C8orf34: variants seen among roughly 807,000 people sequenced by gnomAD.
C8orf34 encodes chromosome 8 open reading frame 34.
C8orf34 carries 65 observed loss-of-function variants against 68.3 expected under a neutral mutation model. That is an observed-to-expected ratio of 0.95 (90% confidence interval 0.78 to 1.17). C8orf34 has a LOEUF of 1.17. C8orf34 is among the 50% of genes most tolerant of loss of function. The pLI, the probability that C8orf34 is intolerant of heterozygous loss-of-function variation, is 0.00. For synonymous variants in C8orf34, 244 were observed against 241.2 expected, an observed-to-expected ratio of 1.01 and a Z score of -0.11; for missense variants, 664 against 655.4, an observed-to-expected ratio of 1.01 and a Z score of -0.14.
At chr8:68,636,925 C>T (rs1351981030) in intron 7 of C8orf34, among the ~76,000 whole-genome samples, 2 of 152,124 alleles carry the variant, frequency 1.3e-5, no homozygotes, top group African/African-American at 4.8e-5. Context: ...AATGGCGTGA[C>T]TGACTTTGTT....
At chr8:68,707,336 T>G (rs1821194988) in intron 8 of C8orf34, among the ~76,000 whole-genome samples, 1 of 152,160 alleles carries the variant, frequency 6.6e-6, no homozygotes, top group Non-Finnish European at 1.5e-5. Flanking sequence ...CCCAATTTGT[T>G]GCGTTTTTAA....
chr8:68,795,481 C>T (rs1274742786), intron 12 of C8orf34, among the ~76,000 whole-genome samples: 1 of 152,134 alleles, frequency 6.6e-6, no homozygotes, highest in Non-Finnish European at 1.5e-5. Context: ...GTTATTGCTG[C>T]TGTTTGTTTT....
intron 3 of C8orf34, among the ~76,000 whole-genome samples, chr8:68,451,407 C>T (rs1259236578): frequency 6.6e-6 from 1 of 152,126 alleles, no homozygotes; most frequent in Non-Finnish European, 1.5e-5. Flanking sequence ...AGAGGCCTAG[C>T]TTTCAGCCTA....
chr8:68,556,685 C>T (rs934436912), intron 7 of C8orf34, among the ~76,000 whole-genome samples: 5 of 152,036 alleles, frequency 3.3e-5, no homozygotes, highest in Admixed American at 6.6e-5. Flanking sequence ...GATCCTCGGC[C>T]GATGTACTCC....
chr8:68,598,311 C>A (rs1156539943), intron 7 of C8orf34, among the ~76,000 whole-genome samples: 1 of 152,160 alleles, frequency 6.6e-6, no homozygotes, highest in African/African-American at 2.4e-5. Flanking sequence ...TCTAAAGGAA[C>A]TGTGAGATAT....
At chr8:68,665,713 G>A (rs552670739) in intron 8 of C8orf34, among the ~76,000 whole-genome samples, 156 of 152,180 alleles carry the variant, frequency 1.0e-3, no homozygotes, top group African/African-American at 3.6e-3. Flanking sequence ...TATTTATTCA[G>A]GTCCTGTTCC....
intron 1 of C8orf34, among the ~76,000 whole-genome samples, chr8:68,390,595 T>G (rs559857219): frequency 6.6e-6 from 1 of 152,282 alleles, no homozygotes; most frequent in South Asian, 2.1e-4. Flanking sequence ...CTATGGGAAT[T>G]TTATCAAGTT....
chr8:68,400,860 T>G (rs542726385), intron 1 of C8orf34, among the ~76,000 whole-genome samples: 2 of 152,354 alleles, frequency 1.3e-5, no homozygotes, highest in South Asian at 4.1e-4. Flanking sequence ...TGGCCTCCTT[T>G]TTGATTCTAT....
At chr8:68,706,640 C>G (rs1051325522) in intron 8 of C8orf34, among the ~76,000 whole-genome samples, 3 of 152,142 alleles carry the variant, frequency 2.0e-5, no homozygotes, top group Non-Finnish European at 4.4e-5. Flanking sequence ...AGTTGTCTGT[C>G]CTTGGGTTAA....
intron 5 of C8orf34, among the ~76,000 whole-genome samples, chr8:68,504,127 A>G (rs1193913934): frequency 1.3e-5 from 2 of 151,846 alleles, no homozygotes; most frequent in Admixed American, 6.6e-5. Flanking sequence ...CCACTAATCT[A>G]TTTTCTGTTT....
At chr8:68,653,068 ATTAT>A (rs1367906422) in intron 8 of C8orf34, among the ~76,000 whole-genome samples, 3 of 152,184 alleles carry the variant, frequency 2.0e-5, no homozygotes, top group Non-Finnish European at 4.4e-5. Flanking sequence ...ACAAAATACA[ATTAT>A]TTATTTGTTT....
chr8:68,402,148 C>T (rs990712248), intron 1 of C8orf34, among the ~76,000 whole-genome samples: 2 of 152,006 alleles, frequency 1.3e-5, no homozygotes, highest in Non-Finnish European at 2.9e-5. Flanking sequence ...ATGTACGTTT[C>T]CAGGAATTTA....
rs1344198654 is a variant in C8orf34, at chr8:68,543,530, TAACA to T, written c.1105+10383_1105+10386del. 3.3e-5 allele frequency among the ~76,000 whole-genome samples: 5 copies of T among 152,252 alleles called. No homozygotes were observed. The East Asian group carries it at 9.6e-4, about 29-fold the overall frequency. ...TGCTAAATGATTTCTGTATATTACT[TAACA>T]ATCACAAACATACAGTGGATCAGGC... On this transcript the variant is annotated intron_variant, in intron 7 of 13. Coordinates refer to ENST00000518698, the MANE Select transcript of C8orf34 (RefSeq NM_052958.4).
chr8:68,394,023 C>T (rs1808582705), intron 1 of C8orf34, among the ~76,000 whole-genome samples: 1 of 151,918 alleles, frequency 6.6e-6, no homozygotes. Flanking sequence ...CCTTTGGGGG[C>T]TTCGAGTGGA....
chr8:68,602,397 T>G (rs1389257366), intron 7 of C8orf34, among the ~76,000 whole-genome samples: 1 of 152,126 alleles, frequency 6.6e-6, no homozygotes, highest in Admixed American at 6.6e-5. Flanking sequence ...CTTACAATCA[T>G]GGTAGAAAGG....
Position 68,333,910 on chromosome 8 carries a change from A to G in C8orf34, c.327+2571A>G, listed in dbSNP as rs1158700304. ...CAGTTTGGAAAATATGCGGTATCTG[A>G]TAATATGTCCCCCTTGTGGATAGTT... On this transcript the variant is annotated intron_variant, in intron 1 of 13. Coordinates refer to ENST00000518698, the MANE Select transcript of C8orf34 (RefSeq NM_052958.4). Among the ~76,000 whole-genome samples the G allele has an allele frequency of 2.0e-5, 3 of 152,212 alleles. No individual in the cohort carries two copies. In the East Asian group the frequency reaches 5.8e-4, roughly 29 times the overall value.
At chr8:68,465,373 C>T (rs1351772984) in intron 3 of C8orf34, among the ~76,000 whole-genome samples, 1 of 148,538 alleles carries the variant, frequency 6.7e-6, no homozygotes, top group East Asian at 2.0e-4. Flanking sequence ...CTAGTTCAAC[C>T]ATTGTGGAAG....
intron 10 of C8orf34, among the ~76,000 whole-genome samples, chr8:68,732,692 T>C (rs1822011303): frequency 6.6e-6 from 1 of 151,892 alleles, no homozygotes; most frequent in South Asian, 2.1e-4. Context: ...CTAAAAGTTC[T>C]TCACATTTTC....
At chr8:68,801,478 T>C (rs1044289488) in intron 12 of C8orf34, among the ~76,000 whole-genome samples, 4 of 152,180 alleles carry the variant, frequency 2.6e-5, no homozygotes, top group Non-Finnish European at 2.9e-5. Context: ...TGGTCAGAAT[T>C]TAAGGTTGCT....
Sources: allele counts gnomAD v4.1 joint callset (sites outside exome capture counted in the v4.1 genomes callset), GRCh38; gene constraint gnomAD v4.1.1; transcripts MANE v1.5; gene names NCBI Gene and HGNC (gene_info 2026-07-23, HGNC 2026-07-21).